UGT2B28: variants seen among roughly 807,000 people sequenced by gnomAD.
UGT2B28 encodes the protein UDP-glucuronosyltransferase 2B28.
UGT2B28 carries 45 observed loss-of-function variants against 43.6 expected under a neutral mutation model. The observed-to-expected ratio is 1.03, with a 90% CI of 0.81 to 1.32. The LOEUF (loss-of-function observed/expected upper bound fraction) is 1.32. UGT2B28 is among the 40% of genes most tolerant of loss of function. The pLI, the probability that UGT2B28 is intolerant of heterozygous loss-of-function variation, is 0.00. For missense variants in UGT2B28, 649 were observed against 625.5 expected, an observed-to-expected ratio of 1.04 and a Z score of -0.40; for synonymous variants, 204 against 208.1, an observed-to-expected ratio of 0.98 and a Z score of 0.17.
rs764633194 is a variant in UGT2B28, at chr4:69,281,278, A to G, written c.721+57A>G. 1.5e-5 allele frequency: 21 copies of G among 1,439,812 alleles called. 1 individual carries two copies. The highest frequency in any genetic ancestry group is 2.4e-5 in the Admixed American group (1 of 41,370). 89.2% of individuals were successfully genotyped at this position (1,439,812 alleles called of 1,614,324 possible). On this transcript the variant is annotated intron_variant, in intron 1 of 5. Transcript: ENST00000335568. ...TCTAACTTATTTGTGTCTTTGAAGC[A>G]GAGCTTATATAAAGCCATAAAGTCA...
At position 69,290,635 on chromosome 4, in the gene UGT2B28, T is replaced by A; in HGVS notation, c.1134T>A (p.Asn378Lys). 1 of 1,559,612 alleles carries A rather than the reference T, an allele frequency of 6.4e-7. No homozygotes were observed. Among genetic ancestry groups the A allele is most frequent in the South Asian group, 1.2e-5 (1 of 84,376 alleles). The change falls in exon 5 of 6, where the codon AAT (asparagine) becomes AAA (lysine). Residue 378 changes from asparagine to lysine, a missense_variant. Asn to Lys is a moderately conservative substitution (Grantham distance 94). Transcript: ENST00000335568. ...TRAFITHGGANGIYEAIYHGI... is the reference protein window; with the variant it reads ...TRAFITHGGAKGIYEAIYHGI... Reference sequence around the variant, plus strand: ...CTTTTATAACTCATGGTGGAGCCAATGGCATCTATGAGGCAATCTACCATG... The same window carrying A: ...CTTTTATAACTCATGGTGGAGCCAAAGGCATCTATGAGGCAATCTACCATG...
rs1164364004 is a variant in UGT2B28, at chr4:69,288,553, C to CT, written c.1003-1105dup. The stretch of plus-strand genomic sequence containing the variant: ...CAATGACTCCATATAATTTTTTATA[C>CT]TTTTTTTATAATATTTTTATTTTTT... On this transcript the variant is annotated intron_variant, in intron 3 of 5. Transcript: ENST00000335568. Among the ~76,000 whole-genome samples the CT allele has an allele frequency of 2.2e-4, 31 of 139,334 alleles. 5 individuals are homozygous for CT. Among genetic ancestry groups the CT allele is most frequent in the African/African-American group, 7.8e-4 (28 of 35,862 alleles). 91.4% of individuals were successfully genotyped at this position (139,334 alleles called of 152,430 possible). A position where few individuals can be genotyped will look rare whatever the true frequency, so the allele number is the denominator to read the frequency against.
At chr4:69,286,675 T>C (rs1723783694) in intron 2 of UGT2B28, 77 bp from the exon 3 acceptor site, 3 of 1,472,394 alleles carry the variant, frequency 2.0e-6, no homozygotes, top group Admixed American at 2.2e-5. Flanking sequence ...TTTTCTCTCT[T>C]TAATATTTGG....
intron 2 of UGT2B28, 29 bp downstream of exon 2, chr4:69,282,691 G>C: frequency 6.5e-7 from 1 of 1,536,204 alleles, no homozygotes. Flanking sequence ...GTTTTATTTT[G>C]TTGGCTTCGA....
intron 1 of UGT2B28, 68 bp downstream of exon 1, chr4:69,281,289 A>C (rs560802160): frequency 7.1e-7 from 1 of 1,406,062 alleles, no homozygotes; most frequent in South Asian, 1.7e-5. Flanking sequence ...GAGCTTATAT[A>C]AAGCCATAAA....
At chr4:69,282,455 A>G in intron 1 of UGT2B28, 59 bp from the exon 2 acceptor site, 1 of 1,484,830 alleles carries the variant, frequency 6.7e-7, no homozygotes, top group South Asian at 1.4e-5. Context: ...CCCTTTCAGA[A>G]AGTTATGTAA....
rs980482131 is a variant in UGT2B28, at chr4:69,289,085, T to C, written c.1003-580T>C. Among the ~76,000 whole-genome samples the C allele has an allele frequency of 1.4e-5, 2 of 139,620 alleles. 1 individual carries two copies. The highest frequency in any genetic ancestry group is 3.1e-5 in the Non-Finnish European group (2 of 65,570). 91.6% of individuals were successfully genotyped at this position (139,620 alleles called of 152,430 possible). On this transcript the variant is annotated intron_variant, in intron 3 of 5. Transcript: ENST00000335568. ...TGGATCTTCATAAAAGAACCAGTTA[T>C]AGTCCTTTGCTTATATACCCAGTAA...
At chr4:69,285,023 TA>T (rs1221901419) in intron 2 of UGT2B28, among the ~76,000 whole-genome samples, 1 of 140,246 alleles carries the variant, frequency 7.1e-6, no homozygotes, top group African/African-American at 2.8e-5. Flanking sequence ...GATTAAAATT[TA>T]TTTGCATACG....
intron 3 of UGT2B28, 75 bp from the exon 4 acceptor site, chr4:69,289,590 C>T (rs1723884799): frequency 3.0e-6 from 4 of 1,315,370 alleles, no homozygotes; most frequent in East Asian, 2.5e-5. Context: ...CTCATTCCTA[C>T]CCTTTTTACA....
rs184950234 is a variant in UGT2B28, at chr4:69,286,589, T to A, written c.871-163T>A. Among the ~76,000 whole-genome samples the A allele has an allele frequency of 1.9e-3, 263 of 140,244 alleles. 37 individuals carry two copies. The Middle Eastern group carries it at 0.029, about 15-fold the overall frequency. The allele number at this position is 140,244 out of a possible 152,430, so 92.0% of individuals were successfully genotyped here. Reference sequence around the variant, plus strand: ...TAACAGAGGCCAACTACCTCAAACATCTTCTTGTAAAGAACCTGAGTGATT... The same window carrying A: ...TAACAGAGGCCAACTACCTCAAACAACTTCTTGTAAAGAACCTGAGTGATT... On this transcript the variant is annotated intron_variant, in intron 2 of 5. Transcript: ENST00000335568.
chr4:69,290,195 A>G lies in UGT2B28; in HGVS notation c.1091-397A>G, dbSNP rs1316567064. Among the ~76,000 whole-genome samples the G allele has an allele frequency of 3.6e-5, 5 of 140,056 alleles. 2 individuals are homozygous for G. The highest frequency in any genetic ancestry group is 1.4e-4 in the African/African-American group (5 of 35,750). 91.9% of individuals were successfully genotyped at this position (140,056 alleles called of 152,430 possible). On this transcript the variant is annotated intron_variant, in intron 4 of 5. Transcript: ENST00000335568. Reference sequence around the variant, plus strand: ...AGTGACACATTTCATGATGAAGTGTAACCTGTCTTTCCTCAATCCTAGCAC... The same window carrying G: ...AGTGACACATTTCATGATGAAGTGTGACCTGTCTTTCCTCAATCCTAGCAC...
At chr4:69,293,226 G>C (rs1724002364) in intron 5 of UGT2B28, among the ~76,000 whole-genome samples, 1 of 139,644 alleles carries the variant, frequency 7.2e-6, no homozygotes, top group South Asian at 2.4e-4. Flanking sequence ...TTCGAAGTCA[G>C]GCTAATCCTT....
chr4:69,292,515 C>G (rs1164274268), intron 5 of UGT2B28, among the ~76,000 whole-genome samples: 1 of 140,776 alleles, frequency 7.1e-6, no homozygotes, highest in Non-Finnish European at 1.5e-5. Flanking sequence ...TATACAAATA[C>G]TTTCACTCAA....
Position 69,283,086 on chromosome 4 carries a change from A to G in UGT2B28, c.870+424A>G, listed in dbSNP as rs1296245676. ...GTAACTAATGAAAATGTTTTAAAAA[A>G]CTATTATCTCAAGGAAAAACCCAAT... On this transcript the variant is annotated intron_variant, in intron 2 of 5. Transcript: ENST00000335568. 2.1e-5 allele frequency among the ~76,000 whole-genome samples: 3 copies of G among 140,584 alleles called. 1 individual carries two copies. The highest frequency in any genetic ancestry group is 4.6e-5 in the Non-Finnish European group (3 of 65,688). The allele number at this position is 140,584 out of a possible 152,430, so 92.2% of individuals were successfully genotyped here. A position where few individuals can be genotyped will look rare whatever the true frequency, so the allele number is the denominator to read the frequency against.
rs970198806 is a variant in UGT2B28, at chr4:69,289,544, A to G, written c.1003-121A>G. ...AAATGTGAGTATTGTTTTTACATCA[A>G]TCTCTGAGTAGATTTATTTACTAAC... On this transcript the variant is annotated intron_variant, in intron 3 of 5. Transcript: ENST00000335568. The G allele has an allele frequency of 5.5e-6, 5 of 905,964 alleles. 1 individual carries two copies. Among genetic ancestry groups the G allele is most frequent in the African/African-American group, 4.1e-5 (2 of 49,050 alleles). 56.1% of individuals were successfully genotyped at this position (905,964 alleles called of 1,614,324 possible).
intron 2 of UGT2B28, among the ~76,000 whole-genome samples, chr4:69,284,543 G>A (rs561932812): frequency 2.1e-5 from 3 of 139,834 alleles, no homozygotes; most frequent in South Asian, 2.4e-4. Context: ...AAAAATCTGC[G>A]CCACTCTACA....
chr4:69,290,805 A>T lies in UGT2B28; in HGVS notation c.1304A>T (p.Asp435Val), dbSNP rs1170843149. 1 of 1,558,826 alleles carries T rather than the reference A, an allele frequency of 6.4e-7. No homozygotes were observed. The highest frequency in any genetic ancestry group is 1.8e-5 in the Admixed American group (1 of 56,276). ...LLNALKTVIN[D>V]PSYKENVMKL... is the part of the protein sequence containing the mutation. ...AATGCACTGAAGACAGTAATTAATGATCCTTCGTGAGTAGAACAGTATTTT... is the reference window on the plus strand; with the variant it reads ...AATGCACTGAAGACAGTAATTAATGTTCCTTCGTGAGTAGAACAGTATTTT... The change falls in exon 5 of 6, where the codon GAT becomes GTT. Residue 435 changes from aspartate (D) to valine (V), a missense_variant. Transcript: ENST00000335568.
chr4:69,292,848 C>T lies in UGT2B28; in HGVS notation c.1311-1682C>T, dbSNP rs1294261639. ...GTTAAAAATACTATTACTAAAATAT[C>T]CTTAATATTGGAAATTAAAAAAATA... On this transcript the variant is annotated intron_variant, in intron 5 of 5. Transcript: ENST00000335568. 7.2e-5 allele frequency among the ~76,000 whole-genome samples: 10 copies of T among 139,336 alleles called. 1 individual carries two copies. Among genetic ancestry groups the T allele is most frequent in the Non-Finnish European group, 1.1e-4 (7 of 65,326 alleles). 91.4% of individuals were successfully genotyped at this position (139,336 alleles called of 152,430 possible).
chr4:69,280,859 A>T lies in UGT2B28; in HGVS notation c.359A>T (p.His120Leu). 6.4e-7 allele frequency: 1 copy of T among 1,559,782 alleles called. No homozygotes were observed. Among genetic ancestry groups the T allele is most frequent in the Non-Finnish European group, 8.7e-7 (1 of 1,155,650 alleles). The change falls in exon 1 of 6, where the codon CAT (histidine) becomes CTT (leucine). Residue 120 changes from histidine (H) to leucine (L), a missense_variant. His to Leu is a moderately conservative substitution (Grantham distance 99). Transcript: ENST00000335568. The part of the protein sequence containing the change: ...SQEQEILWEF[H>L]DIFRNFCKDV... ...GAACAAGAAATCCTGTGGGAATTTC[A>T]TGACATATTTAGAAACTTCTGTAAA...
Sources: allele counts gnomAD v4.1 joint callset (sites outside exome capture counted in the v4.1 genomes callset), GRCh38; gene constraint gnomAD v4.1.1; transcripts MANE v1.5; gene names NCBI Gene and HGNC (gene_info 2026-07-23, HGNC 2026-07-21).